MVB12B: variants seen among roughly 807,000 people sequenced by gnomAD.
MVB12B encodes ESCRT-I complex subunit MVB12B.
A neutral mutation model predicts 41.6 loss-of-function variants in MVB12B; 16 were observed. The observed-to-expected ratio is 0.38, with a 90% CI of 0.26 to 0.58. MVB12B has a LOEUF of 0.58. Among genes scored for constraint, MVB12B ranks in the 20% least tolerant of loss-of-function variants. MVB12B has a pLI of 0.62. For missense variants in MVB12B, 274 were observed against 380.2 expected (o/e 0.72, Z 2.32); for synonymous variants, 133 against 139.7 (o/e 0.95, Z 0.34).
chr9:126,421,978 A>G (rs755781674), intron 7 of MVB12B, 30 bp downstream of exon 7: 1 of 1,542,248 alleles, frequency 6.5e-7, no homozygotes, highest in South Asian at 1.1e-5. Context: ...CAGGCCAGCT[A>G]CAGAGTCTGT....
chr9:126,458,168 A>AC (rs1281250666), intron 7 of MVB12B, among the ~76,000 whole-genome samples: 1 of 151,956 alleles, frequency 6.6e-6, no homozygotes, highest in Non-Finnish European at 1.5e-5. Context: ...CAGTCAGGAG[A>AC]CCCCTATTCA....
In MVB12B at chr9:126,506,348, A is replaced by G. The variant is rs1039607203; in HGVS notation, c.*3085A>G. ...TGTTCTTTGCTCCTTGTCAGAGTTG[A>G]AGAGGCTGACTTGGCCCACTGCTAA... On this transcript the variant is annotated 3_prime_UTR_variant, in exon 10 of 10. Coordinates refer to ENST00000361171, the MANE Select transcript of MVB12B (RefSeq NM_033446.3). 9.2e-6 allele frequency: 1 copy of G among 108,186 alleles called. No homozygotes were observed. The highest frequency in any genetic ancestry group is 4.5e-5 in the African/African-American group (1 of 22,286). 6.7% of individuals were successfully genotyped at this position (108,186 alleles called of 1,614,324 possible).
rs1554765511 is a variant in MVB12B at position 126,326,965 on chromosome 9, C to CCCGCCGCCGCCGCAG, written c.39_53dup (p.Gln17_Pro21dup). ...GCTTCTGCGTGAGACGGAGCCGGGA[C>CCCGCCGCCGCCGCAG]CCGCCGCCGCCGCAGCCACCGCCGC... On this transcript the variant is annotated inframe_insertion, in exon 1 of 10. Transcript: ENST00000361171. The CCCGCCGCCGCCGCAG allele has an allele frequency of 1.9e-5, 5 of 261,468 alleles. No individual in the cohort carries two copies. Among genetic ancestry groups the CCCGCCGCCGCCGCAG allele is most frequent in the African/African-American group, 9.5e-5 (4 of 41,984 alleles). The allele number at this position is 261,468 out of a possible 1,614,324, so 16.2% of individuals were successfully genotyped here.
intron 2 of MVB12B, among the ~76,000 whole-genome samples, chr9:126,370,379 CTTTT>C (rs375770122): frequency 7.6e-6 from 1 of 131,658 alleles, no homozygotes; most frequent in Admixed American, 7.8e-5. Flanking sequence ...GGGAGGGGCT[CTTTT>C]TTTTTTTTTT....
At chr9:126,441,290 C>T (rs762554389) in intron 7 of MVB12B, among the ~76,000 whole-genome samples, 2 of 152,148 alleles carry the variant, frequency 1.3e-5, no homozygotes, top group Admixed American at 6.5e-5. Context: ...GAGAGAGGCA[C>T]GGATCCCAGA....
At chr9:126,335,068 T>C (rs1311396807) in intron 1 of MVB12B, 1 of 169,322 alleles carries the variant, frequency 5.9e-6, no homozygotes, top group Non-Finnish European at 1.2e-5. Context: ...GGAAAGGAAG[T>C]GCTCACAATT....
intron 7 of MVB12B, among the ~76,000 whole-genome samples, chr9:126,465,951 T>TA (rs1367207143): frequency 6.6e-6 from 1 of 152,210 alleles, no homozygotes; most frequent in Non-Finnish European, 1.5e-5. Flanking sequence ...CCTTTCTGTT[T>TA]ACTGACTTTA....
intron 1 of MVB12B, among the ~76,000 whole-genome samples, chr9:126,337,897 G>A (rs2118810504): frequency 6.6e-6 from 1 of 152,350 alleles, no homozygotes; most frequent in Non-Finnish European, 1.5e-5. Context: ...GAGGCTCCGC[G>A]CGGCCTGGGA....
At chr9:126,415,164 CCAGGT>C (rs1300276001) in intron 6 of MVB12B, among the ~76,000 whole-genome samples, 1 of 152,200 alleles carries the variant, frequency 6.6e-6, no homozygotes, top group East Asian at 1.9e-4. Flanking sequence ...CCTCCCTCCT[CCAGGT>C]ACAGGGTCGT....
chr9:126,441,378 A>G (rs1832636145), intron 7 of MVB12B, among the ~76,000 whole-genome samples: 1 of 152,224 alleles, frequency 6.6e-6, no homozygotes, highest in African/African-American at 2.4e-5. Context: ...TGTGTACTTT[A>G]TAAGGGGAAA....
intron 6 of MVB12B, among the ~76,000 whole-genome samples, chr9:126,402,356 C>T (rs564512321): frequency 6.6e-6 from 1 of 152,000 alleles, no homozygotes; most frequent in African/African-American, 2.4e-5. Context: ...GGGCTTGGGG[C>T]GCTGGGTGTG....
chr9:126,432,985 G>A (rs549239877), intron 7 of MVB12B, among the ~76,000 whole-genome samples: 1 of 152,252 alleles, frequency 6.6e-6, no homozygotes, highest in Admixed American at 6.5e-5. Flanking sequence ...TTGACACTTG[G>A]CTGATGGCAA....
In MVB12B at chr9:126,473,111, C is replaced by G. The variant is rs373821465; in HGVS notation, c.758-8258C>G. Among the ~76,000 whole-genome samples, 61 of 152,292 alleles carry G rather than the reference C, an allele frequency of 4.0e-4. 1 individual carries two copies. The East Asian group carries it at 0.011, about 28-fold the overall frequency. On this transcript the variant is annotated intron_variant, in intron 7 of 9. Coordinates refer to ENST00000361171, the MANE Select transcript of MVB12B (RefSeq NM_033446.3). The surrounding 1 kb of genome is among the most constrained non-coding windows in gnomAD (Gnocchi z 4.0). ...GTGGTGGGTGCTTTATCTCTGTCGT[C>G]TTATTTCATTTTTCTTCACCCTCAC...
At chr9:126,365,065 T>A (rs1453256623) in intron 2 of MVB12B, among the ~76,000 whole-genome samples, 2 of 149,018 alleles carry the variant, frequency 1.3e-5, no homozygotes, top group Non-Finnish European at 3.0e-5. Flanking sequence ...TTTTTGGGAT[T>A]TTTTTTGAGA....
At position 126,414,127 on chromosome 9, in the gene MVB12B, C is replaced by G. The variant is rs142363271; in HGVS notation, c.663-7727C>G. Among the ~76,000 whole-genome samples, 8 of 152,304 alleles carry G rather than the reference C, an allele frequency of 5.3e-5. No individual in the cohort carries two copies. The East Asian group carries it at 1.5e-3, about 29-fold the overall frequency. ...CAGAATCCCATCAAAGGAAATAAAT[C>G]GTGCTGGCAACTATTGTCTCATAAT... On this transcript the variant is annotated intron_variant, in intron 6 of 9. Transcript: ENST00000361171.
intron 2 of MVB12B, among the ~76,000 whole-genome samples, chr9:126,378,168 A>C (rs910233036): frequency 1.3e-5 from 2 of 152,176 alleles, no homozygotes; most frequent in Non-Finnish European, 2.9e-5. Flanking sequence ...CCTGAGGCTG[A>C]CTGCTGAGTT....
chr9:126,426,613 C>G (rs531488274), intron 7 of MVB12B, among the ~76,000 whole-genome samples: 1 of 151,888 alleles, frequency 6.6e-6, no homozygotes, highest in Admixed American at 6.6e-5. Flanking sequence ...GTTTAGATGT[C>G]TGCCCATTCA....
In MVB12B at chr9:126,333,144, T is replaced by C. The variant is rs1229992761; in HGVS notation, c.81+6134T>C. Among the ~76,000 whole-genome samples the C allele has an allele frequency of 6.6e-6, 1 of 152,170 alleles. No homozygotes were observed. Among genetic ancestry groups the C allele is most frequent in the Non-Finnish European group, 1.5e-5 (1 of 68,030 alleles). On this transcript the variant is annotated intron_variant, in intron 1 of 9. Transcript: ENST00000361171. The surrounding 1 kb of genome is among the most constrained non-coding windows in gnomAD (Gnocchi z 4.7). ...CTCTGTCACCCAGGCTAGAGTGCAGTGGTGCAATCTTGGCTCACTGCAACC... is the reference window on the plus strand; with the variant it reads ...CTCTGTCACCCAGGCTAGAGTGCAGCGGTGCAATCTTGGCTCACTGCAACC...
chr9:126,403,742 A>G (rs1831334584), intron 6 of MVB12B, among the ~76,000 whole-genome samples: 1 of 152,188 alleles, frequency 6.6e-6, no homozygotes, highest in African/African-American at 2.4e-5. Flanking sequence ...CAAGATGGTA[A>G]AGAACTCTGA....
Sources: gnomAD v4.1 joint callset for allele counts (sites outside exome capture counted in the v4.1 genomes callset) on GRCh38, gnomAD v4.1.1 for gene constraint, Gnocchi (gnomAD v3.1) non-coding constraint, MANE v1.5 for transcripts, NCBI Gene and HGNC (gene_info 2026-07-23, HGNC 2026-07-21) for gene names.